Variants in TBL1X observed in about 807,000 individuals in gnomAD.
TBL1X encodes the protein transducin beta like 1 X-linked, also known as F-box-like/WD repeat-containing protein TBL1X.
Under a neutral mutation model 50.7 loss-of-function variants are expected in TBL1X, and 10 were observed. The observed-to-expected ratio is 0.20, with a 90% CI of 0.12 to 0.33. The LOEUF is 0.33. TBL1X is among the 10% of genes least tolerant of loss of function. The pLI is 1.00. For missense variants in TBL1X, 340 were observed against 504.4 expected (o/e 0.67, Z 3.12); for synonymous variants, 190 against 214.7 (o/e 0.88, Z 1.01).
chrX:9,473,294 G>A (rs996628302), intron 1 of TBL1X, among the ~76,000 whole-genome samples: 4 of 112,319 alleles, frequency 3.6e-5, no homozygotes, highest in African/African-American at 1.3e-4. Flanking sequence ...CTTGCCTTCA[G>A]TTCTTTTTTC....
rs1198379435 is a variant in TBL1X at position 9,465,275 on chromosome X, G to A, written c.-373G>A. ...ACTTTCCAGCGCCCGCGCTCTCTCCGGGACTCGGCGGCGGCGGGGCGGGGG... is the reference window on the plus strand; with the variant it reads ...ACTTTCCAGCGCCCGCGCTCTCTCCAGGACTCGGCGGCGGCGGGGCGGGGG... On this transcript the variant is annotated 5_prime_UTR_variant, in exon 1 of 18. Coordinates refer to ENST00000645353, the MANE Select transcript of TBL1X (RefSeq NM_005647.4). The A allele has an allele frequency of 1.9e-5, 2 of 107,175 alleles. No homozygotes were observed. The highest frequency in any genetic ancestry group is 3.9e-5 in the Non-Finnish European group (2 of 50,980). 8.8% of individuals were successfully genotyped at this position (107,175 alleles called of 1,213,427 possible).
At chrX:9,709,898 T>C in intron 15 of TBL1X, 138 bp downstream of exon 15, 2 of 865,205 alleles carry the variant, frequency 2.3e-6, no homozygotes, top group Non-Finnish European at 3.2e-6. Context: ...GGGGCCAGGA[T>C]AGAATTACCG....
chrX:9,699,599 AGCCATCG>A (rs1399640150), intron 12 of TBL1X, among the ~76,000 whole-genome samples: 2 of 112,079 alleles, frequency 1.8e-5, no homozygotes, highest in African/African-American at 6.5e-5. Flanking sequence ...AAGGCAGAAC[AGCCATCG>A]GCGCCTGGGG....
intron 2 of TBL1X, among the ~76,000 whole-genome samples, chrX:9,527,105 A>G (rs2082136587): frequency 8.9e-6 from 1 of 112,142 alleles, no homozygotes; most frequent in African/African-American, 3.2e-5. Context: ...CACAGGACAA[A>G]GGAGGTCCTG....
At chrX:9,613,985 CAAAAAAAAAA>C (rs34481376) in intron 2 of TBL1X, among the ~76,000 whole-genome samples, 4 of 50,251 alleles carry the variant, frequency 8.0e-5, no homozygotes, top group Non-Finnish European at 1.1e-4. Context: ...GACTCCATCT[CAAAAAAAAAA>C]AAAAAAAAGA....
At position 9,697,339 on chromosome X, in the gene TBL1X, C is replaced by A. The variant is rs144780939; in HGVS notation, c.1054-30C>A. 1,892 of 1,204,378 alleles carry A rather than the reference C, an allele frequency of 1.6e-3. 22 individuals carry two copies. The African/African-American group carries it at 0.029, about 19-fold the overall frequency. On this transcript the variant is annotated intron_variant, in intron 11 of 17. Transcript: ENST00000645353. ...AGAGAAAACTTTGCCAGAATAGTTA[C>A]TAACTTTTTCCTTTGTTTGCGGAAC... is the stretch of plus-strand genomic sequence containing the variant.
intron 2 of TBL1X, among the ~76,000 whole-genome samples, chrX:9,506,013 A>G (rs1157744598): frequency 8.9e-6 from 1 of 112,510 alleles, no homozygotes; most frequent in African/African-American, 3.2e-5. Context: ...TCTCAGTGCC[A>G]CATGGCACTT....
chrX:9,665,534 TATATAA>T (rs1238892043), intron 5 of TBL1X, among the ~76,000 whole-genome samples: 2 of 63,590 alleles, frequency 3.1e-5, no homozygotes, highest in Admixed American at 2.1e-4. Context: ...TATATATATA[TATATAA>T]AAGGCCTTGG....
intron 11 of TBL1X, 87 bp downstream of exon 11, chrX:9,693,506 T>C (rs56091227): frequency 0.44 from 397,278 of 912,477 alleles, 61,943 homozygotes; most frequent in South Asian, 0.54. Context: ...TTCTTGGAAC[T>C]CGTAGGCTTT....
chrX:9,625,525 A>G (rs975842008), intron 2 of TBL1X, among the ~76,000 whole-genome samples: 3 of 112,422 alleles, frequency 2.7e-5, no homozygotes, highest in African/African-American at 9.7e-5. Flanking sequence ...TTGCATTGTT[A>G]GAGTGTAATT....
intron 2 of TBL1X, among the ~76,000 whole-genome samples, chrX:9,568,469 G>C (rs763160734): frequency 9.4e-6 from 1 of 106,789 alleles, no homozygotes; most frequent in Non-Finnish European, 2.0e-5. Flanking sequence ...TGCTGTGCAT[G>C]TCGTGTCTAT....
intron 2 of TBL1X, among the ~76,000 whole-genome samples, chrX:9,567,547 G>A (rs895372713): frequency 1.8e-5 from 2 of 111,859 alleles, no homozygotes; most frequent in Non-Finnish European, 3.8e-5. Context: ...CTTGGGGGAC[G>A]CTGGTGTCCC....
At chrX:9,665,539 A>ATATAT (rs3043954) in intron 5 of TBL1X, among the ~76,000 whole-genome samples, 179 of 62,761 alleles carry the variant, frequency 2.9e-3, no homozygotes, top group Non-Finnish European at 3.6e-3. Context: ...ATATATATAT[A>ATATAT]AAAGGCCTTG....
At position 9,618,528 on chromosome X, in the gene TBL1X, A is replaced by C. The variant is rs180870233; in HGVS notation, c.-130-21745A>C. ...CCGTCTCTACTAAAAATGCAAAAAAAATTAGCCGGGCATGGTGGCGCGCCC... is the reference window on the plus strand; with the variant it reads ...CCGTCTCTACTAAAAATGCAAAAAACATTAGCCGGGCATGGTGGCGCGCCC... On this transcript the variant is annotated intron_variant, in intron 2 of 17. Coordinates refer to ENST00000645353, the MANE Select transcript of TBL1X (RefSeq NM_005647.4). 2.6e-3 allele frequency among the ~76,000 whole-genome samples: 288 copies of C among 111,387 alleles called. 1 individual carries two copies. Among genetic ancestry groups the C allele is most frequent in the African/African-American group, 9.2e-3 (283 of 30,669 alleles).
chrX:9,493,854 C>G (rs1466812147), intron 1 of TBL1X, among the ~76,000 whole-genome samples: 5 of 111,743 alleles, frequency 4.5e-5, no homozygotes, highest in Non-Finnish European at 9.4e-5. Context: ...GTCTCTTTTC[C>G]TGGAAAGAAC....
chrX:9,612,026 C>G (rs143940167), intron 2 of TBL1X, among the ~76,000 whole-genome samples: 150 of 112,992 alleles, frequency 1.3e-3, no homozygotes, highest in African/African-American at 4.2e-3. Flanking sequence ...CCTGGGCGTT[C>G]TGAAGCCCGC....
rs192451517 is a variant in TBL1X at position 9,670,995 on chromosome X, G to A, written c.212-13048G>A. 3.3e-3 allele frequency among the ~76,000 whole-genome samples: 375 copies of A among 112,143 alleles called. 2 individuals are homozygous for A. Among genetic ancestry groups the A allele is most frequent in the African/African-American group, 0.012 (364 of 30,857 alleles). ...AGACCTGAATAAAATGTCCACATTA[G>A]TAGAGGATGAAAGTACCCTGAAACT... On this transcript the variant is annotated intron_variant, in intron 5 of 17. Coordinates refer to ENST00000645353, the MANE Select transcript of TBL1X (RefSeq NM_005647.4).
chrX:9,703,372 G>A (rs1484289930), intron 12 of TBL1X, among the ~76,000 whole-genome samples: 1 of 111,099 alleles, frequency 9.0e-6, no homozygotes, highest in African/African-American at 3.3e-5. Context: ...TCTCGGCATC[G>A]CATGGCCTTT....
chrX:9,545,640 C>T (rs2082238384), intron 2 of TBL1X, among the ~76,000 whole-genome samples: 1 of 110,598 alleles, frequency 9.0e-6, no homozygotes, highest in Non-Finnish European at 1.9e-5. Context: ...TCTCTCATTA[C>T]TCTAAGGTTG....
Sources: allele counts gnomAD v4.1 joint callset (sites outside exome capture counted in the v4.1 genomes callset), GRCh38; gene constraint gnomAD v4.1.1; transcripts MANE v1.5; gene names NCBI Gene and HGNC (gene_info 2026-07-23, HGNC 2026-07-21).